The following NSD1 variants were observed in gnomAD, a reference collection of about 807,000 sequenced individuals.
The protein encoded by NSD1 is histone-lysine N-methyltransferase, H3 lysine-36 specific.
In NSD1, 26 loss-of-function variants were observed where a neutral mutation model predicts 242.7. The ratio of observed to expected loss-of-function variants is 0.11; its 90% CI spans 0.08 to 0.15. The LOEUF is 0.15. NSD1 is among the 10% of genes least tolerant of loss of function. The pLI is 1.00. For missense variants in NSD1, 2,495 were observed against 3,272.8 expected (o/e 0.76, Z 5.80); for synonymous variants, 1,106 against 1,178.1 (o/e 0.94, Z 1.25).
At chr5:177,248,916 A>G (rs1025489673) in intron 11 of NSD1, among the ~76,000 whole-genome samples, 2 of 152,176 alleles carry the variant, frequency 1.3e-5, no homozygotes, top group Admixed American at 1.3e-4. Flanking sequence ...TAGCTTGTTT[A>G]TATTCATGAG....
chr5:177,191,380 A>G (rs1391472223), intron 2 of NSD1, among the ~76,000 whole-genome samples: 2 of 152,222 alleles, frequency 1.3e-5, no homozygotes, highest in African/African-American at 4.8e-5. Context: ...GACTACAGGC[A>G]TGTGCCACCA....
In NSD1 at chr5:177,238,892, C is replaced by T. The variant is rs1241144781; in HGVS notation, c.4192+385C>T. Among the ~76,000 whole-genome samples, 1 of 152,172 alleles carries T rather than the reference C, an allele frequency of 6.6e-6. No individual in the cohort carries two copies. Among genetic ancestry groups the T allele is most frequent in the Non-Finnish European group, 1.5e-5 (1 of 68,026 alleles). On this transcript the variant is annotated intron_variant, in intron 7 of 22. Transcript: ENST00000439151. This position sits in a 1 kb window ranked among gnomAD's most constrained non-coding sequence, Gnocchi z 4.6. ...CTTGGGAAGTTGTTTAATCTCTGAA[C>T]TTGTTTCCTCATCTATAAATGGAGA...
chr5:177,167,360 AACCC>A (rs1759289791), intron 2 of NSD1, among the ~76,000 whole-genome samples: 1 of 151,944 alleles, frequency 6.6e-6, no homozygotes, highest in Non-Finnish European at 1.5e-5. Flanking sequence ...AACATGGTGA[AACCC>A]ATTTCTACTA....
intron 5 of NSD1, among the ~76,000 whole-genome samples, chr5:177,223,425 T>G (rs751608445): frequency 6.6e-6 from 1 of 150,926 alleles, no homozygotes; most frequent in Non-Finnish European, 1.5e-5. Flanking sequence ...ATACAAAAAT[T>G]AGCCGGATGT....
intron 2 of NSD1, among the ~76,000 whole-genome samples, chr5:177,144,023 C>G (rs987549483): frequency 6.6e-6 from 1 of 151,984 alleles, no homozygotes; most frequent in African/African-American, 2.4e-5. Flanking sequence ...CTCAGGTGAT[C>G]GACCCACCTC....
chr5:177,276,957 A>G (rs977758723), intron 17 of NSD1, among the ~76,000 whole-genome samples: 2 of 152,228 alleles, frequency 1.3e-5, no homozygotes, highest in Non-Finnish European at 2.9e-5. Context: ...TTCTTGGAAC[A>G]TAGTCGTTAG....
At chr5:177,241,226 GT>G (rs1320882520) in intron 8 of NSD1, among the ~76,000 whole-genome samples, 1 of 152,012 alleles carries the variant, frequency 6.6e-6, no homozygotes, top group Non-Finnish European at 1.5e-5. Flanking sequence ...GCTGGGTGCG[GT>G]GGCTCACACC....
chr5:177,252,069 A>G (rs566011252), intron 12 of NSD1, among the ~76,000 whole-genome samples: 5 of 152,352 alleles, frequency 3.3e-5, no homozygotes, highest in South Asian at 4.1e-4. Flanking sequence ...TTGGTGATAC[A>G]TTTAGAATGT....
intron 9 of NSD1, among the ~76,000 whole-genome samples, chr5:177,245,066 A>G (rs535559095): frequency 2.0e-5 from 3 of 152,272 alleles, no homozygotes; most frequent in South Asian, 4.1e-4. Context: ...GTTTAAAAAA[A>G]TGAGCTAGGC....
chr5:177,156,757 T>C (rs902851257), intron 2 of NSD1, among the ~76,000 whole-genome samples: 1 of 152,112 alleles, frequency 6.6e-6, no homozygotes, highest in Non-Finnish European at 1.5e-5. Context: ...TTTAAAGGCA[T>C]GGTGGTGGCT....
intron 2 of NSD1, among the ~76,000 whole-genome samples, chr5:177,161,680 C>CTTTTTTTTTTTTTTTTTTT (rs57657595): frequency 7.4e-6 from 1 of 135,246 alleles, no homozygotes; most frequent in Non-Finnish European, 1.6e-5. Context: ...TTCTTTCTTT[C>CTTTTTTTTTTTTTTTTTTT]TTTTTTTTTT....
intron 10 of NSD1, among the ~76,000 whole-genome samples, chr5:177,247,472 C>T (rs928433506): frequency 1.5e-4 from 22 of 151,504 alleles, no homozygotes; most frequent in African/African-American, 4.4e-4. Flanking sequence ...TGGCTCATGC[C>T]ACTCAGCTCT....
chr5:177,222,274 G>A (rs560630261), intron 5 of NSD1, among the ~76,000 whole-genome samples: 13 of 152,116 alleles, frequency 8.5e-5, no homozygotes, highest in South Asian at 2.1e-4. Context: ...GACTACAGGC[G>A]CGCACCACCA....
intron 9 of NSD1, among the ~76,000 whole-genome samples, chr5:177,244,736 C>T (rs1000296252): frequency 6.6e-6 from 1 of 152,184 alleles, no homozygotes; most frequent in Non-Finnish European, 1.5e-5. Flanking sequence ...TTTGAGCACA[C>T]TGCAACAGAT....
chr5:177,154,205 G>C (rs1299256814), intron 2 of NSD1, among the ~76,000 whole-genome samples: 1 of 151,954 alleles, frequency 6.6e-6, no homozygotes, highest in African/African-American at 2.4e-5. Flanking sequence ...TGATCCAAGA[G>C]ACAGGGACAG....
intron 2 of NSD1, among the ~76,000 whole-genome samples, chr5:177,172,196 G>T (rs1249744580): frequency 6.6e-6 from 1 of 152,144 alleles, no homozygotes; most frequent in Admixed American, 6.5e-5. Context: ...TTTTGACTGT[G>T]GCAGCCTTTG....
At chr5:177,142,456 A>C (rs1349272825) in intron 2 of NSD1, among the ~76,000 whole-genome samples, 1 of 152,216 alleles carries the variant, frequency 6.6e-6, no homozygotes. Context: ...GGAGGAAGGC[A>C]TGCCTAGAAT....
intron 2 of NSD1, among the ~76,000 whole-genome samples, chr5:177,158,998 T>TTATATATGTATATATATGAATGATA (rs1758459473): frequency 8.2e-6 from 1 of 122,612 alleles, no homozygotes; most frequent in African/African-American, 3.8e-5. Context: ...ATGAATGATT[T>TTATATATGTATATATATGAATGATA]TATATATATA....
At chr5:177,237,294 C>T (rs1765523114) in intron 6 of NSD1, among the ~76,000 whole-genome samples, 1 of 151,870 alleles carries the variant, frequency 6.6e-6, no homozygotes, top group South Asian at 2.1e-4. Context: ...CTGTTATTGT[C>T]CTGAAATACT....
Sources: allele counts gnomAD v4.1 joint callset (sites outside exome capture counted in the v4.1 genomes callset), GRCh38; gene constraint gnomAD v4.1.1; non-coding constraint Gnocchi (gnomAD v3.1); transcripts MANE v1.5; gene names NCBI Gene and HGNC (gene_info 2026-07-23, HGNC 2026-07-21).